Variants in TENM3 observed in about 807,000 individuals in gnomAD.
TENM3 encodes the protein teneurin transmembrane protein 3, also known as teneurin-3.
A neutral mutation model predicts 255.1 loss-of-function variants in TENM3; 63 were observed. That is an observed-to-expected ratio of 0.25 (90% CI 0.20 to 0.30). TENM3 has a LOEUF of 0.30. Among genes scored for constraint, TENM3 ranks in the 10% least tolerant of loss-of-function variants. The probability of loss-of-function intolerance (pLI) is 1.00; values close to 1 mark genes in which losing one functional copy is unlikely to be tolerated. For synonymous variants in TENM3, 1,306 were observed against 1,322.3 expected (o/e 0.99, Z 0.27); for missense variants, 2,929 against 3,461.1 (o/e 0.85, Z 3.86).
chr4:181,551,838 ATGTGTGTGTGTGTGTGTGTGTG>A, the TENM3 span, among the ~76,000 whole-genome samples: 22,880 of 138,870 alleles, frequency 0.16, 2,093 homozygotes, highest in East Asian at 0.27. Flanking sequence ...ATATATGTAT[ATGTGTGTGTGTGTGTGTGTGTG>A]TGTGTGTGTG....
At chr4:182,572,140 G>A (rs934756195) in intron 3 of TENM3, among the ~76,000 whole-genome samples, 35 of 152,138 alleles carry the variant, frequency 2.3e-4, no homozygotes, top group African/African-American at 8.5e-4. Context: ...GACCTCAGGT[G>A]ATCTGCCCAC....
chr4:182,277,623 T>A (rs762275103), intron 1 of TENM3, among the ~76,000 whole-genome samples: 3 of 152,180 alleles, frequency 2.0e-5, no homozygotes, highest in Non-Finnish European at 4.4e-5. Flanking sequence ...AGACATCTCC[T>A]GGGAACAAGT....
chr4:181,539,859 T>TGATAGTTCATGGTA, the TENM3 span, among the ~76,000 whole-genome samples: 1 of 152,218 alleles, frequency 6.6e-6, no homozygotes, highest in Non-Finnish European at 1.5e-5. Context: ...GACATTTAAA[T>TGATAGTTCATGGTA]GATAGTTCAT....
intron 3 of TENM3, among the ~76,000 whole-genome samples, chr4:182,402,942 T>A (rs1769305123): frequency 6.6e-6 from 1 of 152,246 alleles, no homozygotes; most frequent in African/African-American, 2.4e-5. Flanking sequence ...AAAGGAAATA[T>A]ATAACCATGA....
At chr4:182,571,021 G>T (rs1029914111) in intron 3 of TENM3, among the ~76,000 whole-genome samples, 3 of 152,084 alleles carry the variant, frequency 2.0e-5, no homozygotes, top group African/African-American at 7.2e-5. Flanking sequence ...TTCATATTCG[G>T]GGGATGATTT....
the TENM3 span, among the ~76,000 whole-genome samples, chr4:181,764,630 G>A: frequency 3.6e-3 from 549 of 152,208 alleles, 3 homozygotes; most frequent in African/African-American, 0.012. Flanking sequence ...TAGTGCTTTC[G>A]TATTTGTTTA....
intron 6 of TENM3, among the ~76,000 whole-genome samples, chr4:182,671,923 C>T (rs888749825): frequency 6.7e-6 from 1 of 150,082 alleles, no homozygotes; most frequent in Admixed American, 6.9e-5. Context: ...ACTGTGTTGC[C>T]CAGGCTGGAC....
chr4:182,425,271 T>A (rs955548669), intron 3 of TENM3, among the ~76,000 whole-genome samples: 1 of 152,152 alleles, frequency 6.6e-6, no homozygotes, highest in Non-Finnish European at 1.5e-5. Flanking sequence ...TTTTTATTTC[T>A]CCAAAAAAAG....
upstream of TENM3, among the ~76,000 whole-genome samples, chr4:182,241,523 T>C (rs867422271): frequency 7.2e-6 from 1 of 138,234 alleles, no homozygotes; most frequent in African/African-American, 3.1e-5. Flanking sequence ...TCTTTCTTTT[T>C]TTTTTTTTTT....
the TENM3 span, among the ~76,000 whole-genome samples, chr4:181,719,832 T>G: frequency 1.3e-5 from 2 of 152,222 alleles, no homozygotes; most frequent in African/African-American, 2.4e-5. Context: ...AAATGAAATC[T>G]GGAATCTTGG....
chr4:182,529,641 A>C (rs572173282), intron 3 of TENM3, among the ~76,000 whole-genome samples: 57 of 152,294 alleles, frequency 3.7e-4, no homozygotes, highest in African/African-American at 1.3e-3. Context: ...TGTAATAACC[A>C]GGGAGCACTC....
At chr4:182,423,160 T>G (rs747463624) in intron 3 of TENM3, among the ~76,000 whole-genome samples, 1 of 152,200 alleles carries the variant, frequency 6.6e-6, no homozygotes. Flanking sequence ...TCGGTTTTGT[T>G]CTTGTGTGTG....
At chr4:182,335,411 C>A (rs1440469831) in intron 2 of TENM3, among the ~76,000 whole-genome samples, 2 of 131,308 alleles carry the variant, frequency 1.5e-5, no homozygotes, top group Non-Finnish European at 1.6e-5. Flanking sequence ...AGGAGAATGG[C>A]GTGAACCCGG....
chr4:182,737,025 A>G lies in TENM3; in HGVS notation c.3185A>G (p.Asp1062Gly). The G allele has an allele frequency of 6.2e-7, 1 of 1,613,890 alleles. No individual in the cohort carries two copies. Among genetic ancestry groups the G allele is most frequent in the Non-Finnish European group, 8.5e-7 (1 of 1,179,808 alleles). Residue 1062 changes from aspartate to glycine, a missense_variant, in exon 17 of 28, where the codon GAT becomes GGT. Asp to Gly is a moderately conservative substitution (Grantham distance 94). Transcript: ENST00000511685. ...SPNLAYTFIW[D>G]KTDAYNQKVY... ...AACTTGGCCTATACTTTCATATGGG[A>G]TAAAACAGATGCATATAATCAGAAA...
chr4:182,198,289 G>T (rs1457150916), intron 1 of TENM3, among the ~76,000 whole-genome samples: 1 of 152,164 alleles, frequency 6.6e-6, no homozygotes, highest in East Asian at 1.9e-4. Flanking sequence ...TGTAGAGATG[G>T]CTTCGTTTAT....
At chr4:182,703,048 C>G (rs6552596) in intron 12 of TENM3, among the ~76,000 whole-genome samples, 13,455 of 152,254 alleles carry the variant, frequency 0.088, 988 homozygotes, top group African/African-American at 0.2. Flanking sequence ...AGCCCATGTT[C>G]TTAAGCCCTA....
At chr4:181,482,935 G>C in the TENM3 span, among the ~76,000 whole-genome samples, 2 of 152,208 alleles carry the variant, frequency 1.3e-5, no homozygotes, top group Non-Finnish European at 2.9e-5. Context: ...AGTGAGATAT[G>C]AACATTCCAC....
the TENM3 span, among the ~76,000 whole-genome samples, chr4:181,575,148 G>T: frequency 2.0e-5 from 3 of 151,818 alleles, no homozygotes; most frequent in Non-Finnish European, 4.4e-5. Context: ...AGGAGTTTAA[G>T]TTTTTTGTTA....
chr4:182,599,702 T>G (rs1747644892), intron 3 of TENM3, among the ~76,000 whole-genome samples: 1 of 152,228 alleles, frequency 6.6e-6, no homozygotes, highest in African/African-American at 2.4e-5. Context: ...CTATTTGGCT[T>G]AACAATCACT....
Sources: gnomAD v4.1 joint callset for allele counts (sites outside exome capture counted in the v4.1 genomes callset) on GRCh38, gnomAD v4.1.1 for gene constraint, MANE v1.5 for transcripts, NCBI Gene and HGNC (gene_info 2026-07-23, HGNC 2026-07-21) for gene names.